DNAH2: variants seen among roughly 807,000 people sequenced by gnomAD.
DNAH2 encodes axonemal beta dynein heavy chain 2.
A neutral mutation model predicts 523.5 loss-of-function variants in DNAH2; 323 were observed. The observed-to-expected ratio is 0.62, with a 90% confidence interval of 0.56 to 0.68. The LOEUF (loss-of-function observed/expected upper bound fraction) is 0.68. Among genes scored for constraint, DNAH2 ranks in the 30% least tolerant of loss-of-function variants. The probability of loss-of-function intolerance (pLI) is 0.00; values close to 1 mark genes in which losing one functional copy is unlikely to be tolerated. For missense variants in DNAH2, 4,907 were observed against 5,701.5 expected (o/e 0.86, Z 4.49); for synonymous variants, 2,093 against 2,177.4 (o/e 0.96, Z 1.08).
intron 35 of DNAH2, 73 bp from the exon 36 acceptor site, chr17:7,779,170 G>A (rs776405946): frequency 2.5e-5 from 39 of 1,555,496 alleles, no homozygotes; most frequent in Non-Finnish European, 3.0e-5. Context: ...TTTGAAGGAA[G>A]GGTGCGTTAA....
intron 1 of DNAH2, among the ~76,000 whole-genome samples, chr17:7,719,128 T>C (rs1408285589): frequency 2.6e-4 from 1 of 3,786 alleles, no homozygotes; most frequent in African/African-American, 4.0e-4. Context: ...TCTGGCCATC[T>C]TTTTTTTTTT....
At chr17:7,787,345 C>T (rs545855013) in intron 42 of DNAH2, 20 of 441,764 alleles carry the variant, frequency 4.5e-5, no homozygotes, top group East Asian at 7.7e-5. Context: ...TATGAATTCA[C>T]GGACTGGCAA....
chr17:7,809,840 T>TAA (rs796068621), intron 63 of DNAH2, among the ~76,000 whole-genome samples: 21 of 137,070 alleles, frequency 1.5e-4, no homozygotes, highest in African/African-American at 4.0e-4. Flanking sequence ...AAATGCACCT[T>TAA]AAAAAAAAAA....
At chr17:7,727,448 G>T (rs2074852378) in intron 4 of DNAH2, among the ~76,000 whole-genome samples, 156 bp downstream of exon 4, 1 of 152,102 alleles carries the variant, frequency 6.6e-6, no homozygotes. Context: ...ATAGGAAGAA[G>T]GATGACGCAA....
chr17:7,760,770 C>T lies in DNAH2; in HGVS notation c.2816C>T (p.Thr939Ile), dbSNP rs1470897331. The change falls in exon 18 of 86, where the codon ACC becomes ATC. Residue 939 changes from threonine to isoleucine, a missense_variant. Thr to Ile is a moderately conservative substitution (Grantham distance 89, BLOSUM62 -1). This residue lies in a region of DNAH2 where 2,806 missense variants were observed against 3,190.8 expected (regional missense o/e 0.88). Transcript: ENST00000572933. This position sits in a 1 kb window ranked among gnomAD's most constrained non-coding sequence, Gnocchi z 4.0. ...GATGAGGACATCAAGAAGATCCAGA[C>T]CCAAATCAGCAGCGGCATGACTAAC... ...EQDEDIKKIQ[T>I]QISSGMTNNA... is the part of the protein sequence containing the mutation. 5 of 1,614,036 alleles carry T rather than the reference C, an allele frequency of 3.1e-6. No homozygotes were observed. In the South Asian group the frequency reaches 4.4e-5, roughly 14 times the overall value.
At chr17:7,794,193 TC>T in intron 48 of DNAH2, 60 bp from the exon 49 acceptor site, 1 of 1,264,282 alleles carries the variant, frequency 7.9e-7, no homozygotes. Context: ...CTGGCCTGTG[TC>T]GGCGCCTCTC....
chr17:7,793,442 T>G (rs1425399468), intron 48 of DNAH2, among the ~76,000 whole-genome samples: 1 of 72,682 alleles, frequency 1.4e-5, no homozygotes, highest in African/African-American at 4.5e-5. Context: ...TTTTTCTTTC[T>G]TTCTTTTTCT....
intron 11 of DNAH2, 135 bp from the exon 12 acceptor site, chr17:7,742,793 A>T (rs1244362172): frequency 1.9e-6 from 1 of 524,764 alleles, no homozygotes; most frequent in South Asian, 1.0e-4. Context: ...TCAAAACTCA[A>T]TCCATCTCCA....
intron 14 of DNAH2, 84 bp downstream of exon 14, chr17:7,758,735 TG>T: frequency 1.3e-6 from 2 of 1,563,286 alleles, no homozygotes; most frequent in South Asian, 1.2e-5. Flanking sequence ...TTGGGAAACC[TG>T]GGGGTAGTGT....
At chr17:7,723,039 G>A (rs867824439) in intron 2 of DNAH2, among the ~76,000 whole-genome samples, 10 of 140,782 alleles carry the variant, frequency 7.1e-5, no homozygotes, top group East Asian at 2.2e-4. Context: ...GCGCAATCTC[G>A]GCTCACTACA....
intron 12 of DNAH2, among the ~76,000 whole-genome samples, chr17:7,755,695 G>T (rs1475815323): frequency 6.6e-6 from 1 of 152,118 alleles, no homozygotes; most frequent in East Asian, 1.9e-4. Context: ...CAAGCTTCAG[G>T]GCGTGGCATG....
rs1293176514 is a variant in DNAH2, at chr17:7,823,451, C to G, written c.11152C>G (p.Arg3718Gly). The change falls in exon 74 of 86, where the codon CGG becomes GGG. Residue 3718 changes from arginine to glycine, a missense_variant. Physicochemically the swap from Arg to Gly is moderately radical, Grantham distance 125 (BLOSUM62 -2). Coordinates refer to ENST00000572933, the MANE Select transcript of DNAH2 (RefSeq NM_020877.5). ...CCCCTTCTCCCACCAGGTCTTGGAT[C>G]GGGAGGGCCAAATGGACAATCCATG... The part of the protein sequence containing the change: ...FFLRGGVVLD[R>G]EGQMDNPCSS... The G allele has an allele frequency of 1.2e-6, 2 of 1,613,434 alleles. No individual in the cohort carries two copies. The highest frequency in any genetic ancestry group is 1.1e-5 in the South Asian group (1 of 91,060).
chr17:7,762,830 C>T (rs936414153), intron 18 of DNAH2, among the ~76,000 whole-genome samples: 2 of 151,808 alleles, frequency 1.3e-5, no homozygotes, highest in African/African-American at 4.8e-5. Context: ...TCCCAACCAC[C>T]TTGTGAGGCA....
chr17:7,737,890 G>A (rs1332607472), intron 8 of DNAH2: 13 of 686,284 alleles, frequency 1.9e-5, no homozygotes, highest in Non-Finnish European at 2.7e-5. Context: ...CATGAAGCAC[G>A]GGCAGGGGGA....
intron 4 of DNAH2, among the ~76,000 whole-genome samples, chr17:7,732,358 C>G (rs2075014141): frequency 6.7e-6 from 1 of 149,938 alleles, no homozygotes; most frequent in Admixed American, 6.7e-5. Flanking sequence ...TCGCTTGAAC[C>G]CGGGGGGCGG....
chr17:7,808,133 G>C (rs1280780442), intron 63 of DNAH2, among the ~76,000 whole-genome samples: 1 of 152,184 alleles, frequency 6.6e-6, no homozygotes, highest in East Asian at 1.9e-4. Context: ...CACTTTGGGA[G>C]GCCGAGGTAG....
chr17:7,727,768 A>G (rs2074868529), intron 4 of DNAH2, among the ~76,000 whole-genome samples: 1 of 151,426 alleles, frequency 6.6e-6, no homozygotes, highest in Admixed American at 6.6e-5. Flanking sequence ...AAAAAAAAAA[A>G]AAAAAAAAAA....
Position 7,828,545 on chromosome 17 carries a change from G to A in DNAH2, c.11854-1755G>A, listed in dbSNP as rs1008847998. On this transcript the variant is annotated intron_variant, in intron 77 of 85. Transcript: ENST00000572933. This position sits in a 1 kb window ranked among gnomAD's most constrained non-coding sequence, Gnocchi z 4.1. ...AGCACAATGGGATTGCGGGTGGCAT[G>A]AGCCACTGTTCCCAGCCTCCATTTA... Among the ~76,000 whole-genome samples the A allele has an allele frequency of 1.1e-4, 16 of 152,110 alleles. No homozygotes were observed. Among genetic ancestry groups the A allele is most frequent in the African/African-American group, 3.9e-4 (16 of 41,372 alleles).
Position 7,831,304 on chromosome 17 carries a change from G to A in DNAH2, c.12449G>A (p.Arg4150Gln), listed in dbSNP as rs769020423. ...CCCACCAGGGCTGGAGGCCAGACCCGGGAAGAGAAGGTAAAAAGAGCCGGG... is the reference window on the plus strand; with the variant it reads ...CCCACCAGGGCTGGAGGCCAGACCCAGGAAGAGAAGGTAAAAAGAGCCGGG... ...ITPTRAGGQT[R>Q]EEKVLELAAD... Residue 4150 changes from arginine to glutamine, a missense_variant, in exon 80 of 86, where the codon CGG (arginine) becomes CAG (glutamine). Coordinates refer to ENST00000572933, the MANE Select transcript of DNAH2 (RefSeq NM_020877.5). This position sits in a 1 kb window ranked among gnomAD's most constrained non-coding sequence, Gnocchi z 4.2. 2.4e-5 allele frequency: 39 copies of A among 1,613,928 alleles called. No homozygotes were observed. Among genetic ancestry groups the A allele is most frequent in the Middle Eastern group, 1.6e-4 (1 of 6,084 alleles).
Sources: allele counts gnomAD v4.1 joint callset (sites outside exome capture counted in the v4.1 genomes callset), GRCh38; gene constraint gnomAD v4.1.1; regional missense constraint gnomAD v4.1.1; non-coding constraint Gnocchi (gnomAD v3.1); transcripts MANE v1.5; gene names NCBI Gene and HGNC (gene_info 2026-07-23, HGNC 2026-07-21).